Variants in PTPRN2 observed in about 807,000 individuals in gnomAD.
PTPRN2 encodes protein tyrosine phosphatase receptor type N2.
In PTPRN2, 74 loss-of-function variants were observed where a neutral mutation model predicts 118.8. The ratio of observed to expected loss-of-function variants is 0.62; its 90% CI spans 0.52 to 0.76. The LOEUF (loss-of-function observed/expected upper bound fraction) is 0.76. Among genes scored for constraint, PTPRN2 ranks in the 30% least tolerant of loss-of-function variants. The pLI is 0.00. For synonymous variants in PTPRN2, 641 were observed against 608.0 expected (o/e 1.05, Z -0.80); for missense variants, 1,481 against 1,394.4 (o/e 1.06, Z -0.99).
At chr7:158,424,130 G>A (rs1200135565) in intron 2 of PTPRN2, among the ~76,000 whole-genome samples, 2 of 152,168 alleles carry the variant, frequency 1.3e-5, no homozygotes, top group African/African-American at 2.4e-5. Flanking sequence ...ACAGGCTTAC[G>A]TGTGGCGCAG....
intron 1 of PTPRN2, among the ~76,000 whole-genome samples, chr7:158,557,287 G>A (rs1156260065): frequency 1.0e-4 from 15 of 144,434 alleles, no homozygotes; most frequent in Non-Finnish European, 2.3e-4. Context: ...GGCGGCTCCT[G>A]TGCAGGTCGC....
chr7:157,554,468 T>C (rs1333317452), intron 21 of PTPRN2, among the ~76,000 whole-genome samples: 1 of 151,348 alleles, frequency 6.6e-6, no homozygotes, highest in African/African-American at 2.4e-5. Flanking sequence ...TAGGGTGGGA[T>C]AGGGTGGGCG....
At position 158,118,676 on chromosome 7, in the gene PTPRN2, A is replaced by C. The variant is rs80028825; in HGVS notation, c.1557-7761T>G. On this transcript the variant is annotated intron_variant, in intron 9 of 22. Coordinates refer to ENST00000389418, the MANE Select transcript of PTPRN2 (RefSeq NM_002847.5). Reference sequence around the variant, plus strand: ...ACAACAAGGGATATCTATTTGCATTAACTATAAGCATAAACATGACAGTCT... The same window carrying C: ...ACAACAAGGGATATCTATTTGCATTCACTATAAGCATAAACATGACAGTCT... Among the ~76,000 whole-genome samples, 642 of 152,328 alleles carry C rather than the reference A, an allele frequency of 4.2e-3. 6 individuals carry two copies. Among genetic ancestry groups the C allele is most frequent in the African/African-American group, 0.014 (566 of 41,568 alleles).
intron 2 of PTPRN2, among the ~76,000 whole-genome samples, chr7:158,448,481 G>A (rs1279893493): frequency 6.6e-6 from 1 of 151,254 alleles, no homozygotes. Context: ...GGGCAGCGCT[G>A]CAGTGCAGGA....
intron 2 of PTPRN2, among the ~76,000 whole-genome samples, chr7:158,412,363 C>G (rs1814199627): frequency 8.7e-6 from 1 of 115,044 alleles, no homozygotes; most frequent in Non-Finnish European, 1.8e-5. Context: ...GCACCAGGGC[C>G]CATCTCAGCA....
chr7:157,561,539 C>T (rs1219032527), intron 21 of PTPRN2, among the ~76,000 whole-genome samples: 1 of 152,286 alleles, frequency 6.6e-6, no homozygotes, highest in African/African-American at 2.4e-5. Flanking sequence ...GGCCCTGAGC[C>T]TTTGCAGACT....
intron 11 of PTPRN2, among the ~76,000 whole-genome samples, chr7:157,916,124 C>A (rs1201767788): frequency 6.6e-6 from 1 of 152,240 alleles, no homozygotes; most frequent in Non-Finnish European, 1.5e-5. Context: ...TGCCGTGACT[C>A]TTGCTGGGAC....
At position 158,529,705 on chromosome 7, in the gene PTPRN2, C is replaced by T. The variant is rs747429378; in HGVS notation, c.113-39920G>A. On this transcript the variant is annotated intron_variant, in intron 1 of 22. Coordinates refer to ENST00000389418, the MANE Select transcript of PTPRN2 (RefSeq NM_002847.5). The surrounding 1 kb of genome is among the most constrained non-coding windows in gnomAD (Gnocchi z 4.7). The stretch of plus-strand genomic sequence containing the variant: ...ACTCACCACACCTGGGCTGTGTCCA[C>T]CAGCCCCAGGGGCTGTGGGGAGGGG... Among the ~76,000 whole-genome samples the T allele has an allele frequency of 7.2e-5, 11 of 152,154 alleles. No individual in the cohort carries two copies. The highest frequency in any genetic ancestry group is 1.5e-4 in the Non-Finnish European group (10 of 68,034).
intron 11 of PTPRN2, among the ~76,000 whole-genome samples, chr7:158,033,718 GCTGCACACTGAGACCTCGATAGAAACT>G (rs898204299): frequency 2.7e-5 from 4 of 148,224 alleles, no homozygotes; most frequent in African/African-American, 1.0e-4. Flanking sequence ...TGTGTGGCTG[GCTGCACACTGAGACCTCGATAGAAACT>G]CTGCACTCTG....
intron 12 of PTPRN2, among the ~76,000 whole-genome samples, chr7:157,728,386 C>T (rs754633762): frequency 6.6e-5 from 10 of 152,372 alleles, no homozygotes; most frequent in Middle Eastern, 3.4e-3. Context: ...GCATCTGCGT[C>T]GGTGCCTCCT....
intron 11 of PTPRN2, among the ~76,000 whole-genome samples, chr7:158,050,001 G>A (rs1809206718): frequency 6.6e-6 from 1 of 152,142 alleles, no homozygotes; most frequent in Non-Finnish European, 1.5e-5. Context: ...AAAGGGGCAG[G>A]GAATGATGCA....
At chr7:158,139,194 T>A (rs1264112048) in intron 6 of PTPRN2, among the ~76,000 whole-genome samples, 2 of 152,096 alleles carry the variant, frequency 1.3e-5, no homozygotes, top group African/African-American at 4.8e-5. Flanking sequence ...CAGTCGATGA[T>A]TAGAGCGAGG....
chr7:157,670,498 T>C (rs1796355747), intron 13 of PTPRN2, among the ~76,000 whole-genome samples: 1 of 152,216 alleles, frequency 6.6e-6, no homozygotes. Context: ...CCGGCTTCTG[T>C]GATGGTCTTT....
chr7:158,071,674 AGGTGCTCCTGGTGGAGGTGCTTG>A (rs1190372173), intron 11 of PTPRN2, among the ~76,000 whole-genome samples: 1,471 of 91,772 alleles, frequency 0.016, 24 homozygotes, highest in Non-Finnish European at 0.028. Context: ...GTGGTGGTGG[AGGTGCTCCTGGTGGAGGTGCTTG>A]TGGTGGAGGT....
At chr7:158,442,013 G>A (rs1817350482) in intron 2 of PTPRN2, among the ~76,000 whole-genome samples, 2 of 150,914 alleles carry the variant, frequency 1.3e-5, no homozygotes, top group East Asian at 4.0e-4. Context: ...GGCAGTGGTG[G>A]TGATAGTGAT....
intron 3 of PTPRN2, among the ~76,000 whole-genome samples, chr7:158,311,883 C>A: frequency 1.6e-5 from 2 of 123,746 alleles, no homozygotes; most frequent in African/African-American, 6.6e-5. Context: ...ACCCACACAC[C>A]TGCACGTGTA....
intron 1 of PTPRN2, among the ~76,000 whole-genome samples, chr7:158,566,273 G>C (rs891923629): frequency 2.6e-5 from 4 of 151,826 alleles, no homozygotes; most frequent in African/African-American, 9.7e-5. Flanking sequence ...AGAATTGCTT[G>C]AACCCAGGAG....
chr7:157,639,605 G>C (rs1333126970), intron 14 of PTPRN2, among the ~76,000 whole-genome samples: 3 of 152,234 alleles, frequency 2.0e-5, no homozygotes, highest in Non-Finnish European at 4.4e-5. Context: ...ACTGGAATGG[G>C]GGATGTGCGG....
intron 12 of PTPRN2, among the ~76,000 whole-genome samples, chr7:157,687,094 C>A (rs12698100): frequency 0.32 from 48,813 of 151,734 alleles, 8,131 homozygotes; most frequent in Admixed American, 0.37. Context: ...TGTCTTAGAA[C>A]TTAGCATCTG....
Sources: allele counts gnomAD v4.1 joint callset (sites outside exome capture counted in the v4.1 genomes callset), GRCh38; gene constraint gnomAD v4.1.1; non-coding constraint Gnocchi (gnomAD v3.1); transcripts MANE v1.5; gene names NCBI Gene and HGNC (gene_info 2026-07-23, HGNC 2026-07-21).